CEP290: variants seen among roughly 807,000 people sequenced by gnomAD.
CEP290 encodes the protein centrosomal protein of 290 kDa.
CEP290 carries 317 observed loss-of-function variants against 344.9 expected under a neutral mutation model. The observed-to-expected ratio is 0.92, with a 90% confidence interval of 0.84 to 1.01. The LOEUF is 1.01. Ranked by LOEUF, CEP290 falls within the 50% of genes least tolerant of loss-of-function variation. The probability of loss-of-function intolerance (pLI) is 0.00; values close to 1 mark genes in which losing one functional copy is unlikely to be tolerated. For missense variants in CEP290, 2,754 were observed against 2,761.4 expected (o/e 1.00, Z 0.06); for synonymous variants, 932 against 895.8 (o/e 1.04, Z -0.72).
chr12:88,114,662 T>C (rs888056426), intron 19 of CEP290, 100 bp from the exon 20 acceptor site: 9 of 1,005,726 alleles, frequency 8.9e-6, no homozygotes, highest in East Asian at 2.9e-5. Flanking sequence ...AAAGACATCA[T>C]TGGAAAAATC....
intron 6 of CEP290, among the ~76,000 whole-genome samples, chr12:88,133,072 G>GTTT (rs778943616): frequency 7.8e-5 from 10 of 129,022 alleles, no homozygotes; most frequent in East Asian, 2.2e-4. Context: ...TCTTGTTCCG[G>GTTT]TTTTTTTTTT....
chr12:88,080,935 A>C (rs541407718), intron 37 of CEP290, among the ~76,000 whole-genome samples: 4 of 152,340 alleles, frequency 2.6e-5, no homozygotes, highest in African/African-American at 9.6e-5. Flanking sequence ...TATTTTTGGC[A>C]ACAATCTTAT....
intron 52 of CEP290, among the ~76,000 whole-genome samples, chr12:88,051,961 A>G (rs1285277516): frequency 1.3e-5 from 2 of 152,202 alleles, no homozygotes; most frequent in Non-Finnish European, 2.9e-5. Flanking sequence ...GGAGTTTCAT[A>G]CATTTAGATT....
chr12:88,103,752 T>TA (rs1172594227), intron 25 of CEP290: 1 of 152,120 alleles, frequency 6.6e-6, no homozygotes, highest in Non-Finnish European at 1.5e-5. Flanking sequence ...TAAAAAAACT[T>TA]ACGGTTGTAA....
In CEP290 at chr12:88,103,096, TTAAAG is replaced by T. The variant is rs1205031398; in HGVS notation, c.2818-90_2818-86del. 9.2e-6 allele frequency: 7 copies of T among 759,102 alleles called. No individual in the cohort carries two copies. In the Admixed American group the frequency reaches 2.1e-4, roughly 22 times the overall value. 47.0% of individuals were successfully genotyped at this position (759,102 alleles called of 1,614,324 possible). A position where few individuals can be genotyped will look rare whatever the true frequency, so the allele number is the denominator to read the frequency against. On this transcript the variant is annotated intron_variant, in intron 25 of 53. Coordinates refer to ENST00000552810, the MANE Select transcript of CEP290 (RefSeq NM_025114.4). Reference sequence around the variant, plus strand: ...CCACTTTTGAGAAAGATAATACAACTTAAAGTAAAACGAATTTTAAAATCATTTTT... The same window carrying T: ...CCACTTTTGAGAAAGATAATACAACTTAAAACGAATTTTAAAATCATTTTT...
At position 88,120,259 on chromosome 12, in the gene CEP290, T is replaced by C. The variant is rs760739781; in HGVS notation, c.1377A>G (p.Glu459=). 1 of 1,427,034 alleles carries C rather than the reference T, an allele frequency of 7.0e-7. No homozygotes were observed. The highest frequency in any genetic ancestry group is 1.5e-5 in the South Asian group (1 of 68,310). The allele number at this position is 1,427,034 out of a possible 1,614,324, so 88.4% of individuals were successfully genotyped here. A position where few individuals can be genotyped will look rare whatever the true frequency, so the allele number is the denominator to read the frequency against. ...AATTCTTTATTTCAACGACAGCATC[T>C]TCTAAACCATATACTCCCTGAAAAA... ...KDYESGVYGL[E]DAVVEIKNCK... is the part of the protein sequence containing the mutation. The change falls in exon 15 of 54, where the codon GAA becomes GAG. Residue 459 remains glutamate, a synonymous_variant. Coordinates refer to ENST00000552810, the MANE Select transcript of CEP290 (RefSeq NM_025114.4).
chr12:88,070,655 T>C (rs1361649243), intron 43 of CEP290, among the ~76,000 whole-genome samples: 1 of 152,118 alleles, frequency 6.6e-6, no homozygotes, highest in East Asian at 1.9e-4. Flanking sequence ...TTCCTCTTTC[T>C]ACTCTCCTCT....
chr12:88,084,841 C>G lies in CEP290; in HGVS notation c.4449G>C (p.Glu1483Asp), dbSNP rs760443127. Residue 1483 changes from glutamate to aspartate, a missense_variant, in exon 35 of 54, where the codon GAG becomes GAC. Transcript: ENST00000552810. ...TCKSLEEKLK[E>D]KESALRLAEQ... ...CTGCTAACCTTAAAGCAGATTCTTT[C>G]TCTTTTAGTTTCTGCAATGATTAAA... is the stretch of plus-strand genomic sequence containing the variant. 6.4e-7 allele frequency: 1 copy of G among 1,559,090 alleles called. No individual in the cohort carries two copies. Among genetic ancestry groups the G allele is most frequent in the Non-Finnish European group, 8.6e-7 (1 of 1,156,188 alleles).
In CEP290 at chr12:88,054,300, A is replaced by T. The variant is rs184044181; in HGVS notation, c.7034+40T>A. 3.3e-3 allele frequency: 4,179 copies of T among 1,277,926 alleles called. 10 individuals carry two copies. The highest frequency in any genetic ancestry group is 4.0e-3 in the Non-Finnish European group (3,678 of 912,628). The allele number at this position is 1,277,926 out of a possible 1,614,324, so 79.2% of individuals were successfully genotyped here. ...TATAAAAACTAATAATTTTTTTTTTAAAGAAAAAAACAAAGTAGTCATATG... is the reference window on the plus strand; with the variant it reads ...TATAAAAACTAATAATTTTTTTTTTTAAGAAAAAAACAAAGTAGTCATATG... On this transcript the variant is annotated intron_variant, in intron 51 of 53. Coordinates refer to ENST00000552810, the MANE Select transcript of CEP290 (RefSeq NM_025114.4).
intron 34 of CEP290, 68 bp downstream of exon 34, chr12:88,085,969 AAT>A: frequency 7.1e-7 from 1 of 1,399,746 alleles, no homozygotes; most frequent in African/African-American, 1.5e-5. Context: ...CTCATAAAGA[AAT>A]ATTATTTAGA....
Position 88,126,476 on chromosome 12 carries a change from A to G in CEP290, c.943-38T>C, listed in dbSNP as rs747890446. ...ACAATAGAATCTGTTATGCAAAAGG[A>G]AAGTTAATAAAACATTCTTCATTAT... On this transcript the variant is annotated intron_variant, in intron 11 of 53. Coordinates refer to ENST00000552810, the MANE Select transcript of CEP290 (RefSeq NM_025114.4). The G allele has an allele frequency of 3.0e-6, 4 of 1,341,618 alleles. No homozygotes were observed. The Admixed American group carries it at 8.9e-5, about 30-fold the overall frequency. The allele number at this position is 1,341,618 out of a possible 1,614,324, so 83.1% of individuals were successfully genotyped here. A position where few individuals can be genotyped will look rare whatever the true frequency, so the allele number is the denominator to read the frequency against.
At chr12:88,094,014 A>G (rs753646297) in intron 27 of CEP290, 39 bp from the exon 28 acceptor site, 6 of 1,444,510 alleles carry the variant, frequency 4.2e-6, no homozygotes, top group Non-Finnish European at 2.8e-6. Context: ...CATGCTGTTT[A>G]TATTAAAATT....
chr12:88,109,207 TG>T (rs752945113), intron 22 of CEP290, 26 bp from the exon 23 acceptor site: 1 of 754,976 alleles, frequency 1.3e-6, no homozygotes. Context: ...GAAATAAGAA[TG>T]CAAAAAAAAA....
In CEP290 at chr12:88,053,731, C is replaced by G; in HGVS notation, c.7050G>C (p.Gln2350His). Residue 2350 changes from glutamine (Q) to histidine (H), a missense_variant, in exon 52 of 54, where the codon CAG becomes CAC. Coordinates refer to ENST00000552810, the MANE Select transcript of CEP290 (RefSeq NM_025114.4). Reference protein sequence around the residue: ...ELQVLRLANHQLDKEKAELIH... With the variant: ...ELQVLRLANHHLDKEKAELIH... ...TTAATTCTGCTTTCTCTTTATCCAG[C>G]TGATGATTAGCTAATCTAGAACACA... The G allele has an allele frequency of 6.5e-7, 1 of 1,527,850 alleles. No homozygotes were observed. The highest frequency in any genetic ancestry group is 8.8e-7 in the Non-Finnish European group (1 of 1,129,968). 94.6% of individuals were successfully genotyped at this position (1,527,850 alleles called of 1,614,324 possible). A position where few individuals can be genotyped will look rare whatever the true frequency, so the allele number is the denominator to read the frequency against.
intron 7 of CEP290, 108 bp from the exon 8 acceptor site, chr12:88,130,673 C>A: frequency 3.7e-6 from 3 of 807,306 alleles, no homozygotes; most frequent in South Asian, 2.3e-5. Context: ...GAAAATGATG[C>A]ATATTATCTT....
At chr12:88,120,069 T>C in intron 15 of CEP290, 45 bp downstream of exon 15, 2 of 1,285,656 alleles carry the variant, frequency 1.6e-6, no homozygotes, top group Non-Finnish European at 2.0e-6. Context: ...AAAAAAGACT[T>C]GTAAATCAGG....
chr12:88,141,278 T>G lies in CEP290; in HGVS notation c.30A>C (p.Ile10=). ...GCAGGTCATCTGGGTCAACTTTCAT[T>G]ATTTCTTTCCAGTTTATATTAGGTG... The part of the protein sequence containing the change: MPPNINWKE[I]MKVDPDDLPR... Residue 10 remains isoleucine, a synonymous_variant, in exon 2 of 54, where the codon ATA becomes ATC. Coordinates refer to ENST00000552810, the MANE Select transcript of CEP290 (RefSeq NM_025114.4). 1 of 1,611,274 alleles carries G rather than the reference T, an allele frequency of 6.2e-7. No homozygotes were observed. The highest frequency in any genetic ancestry group is 8.5e-7 in the Non-Finnish European group (1 of 1,179,038).
At chr12:88,117,247 TA>T (rs2039110696) in intron 17 of CEP290, 102 bp from the exon 18 acceptor site, 1 of 611,170 alleles carries the variant, frequency 1.6e-6, no homozygotes, top group Admixed American at 3.7e-5. Flanking sequence ...AATGCAAAGG[TA>T]GAATAATTGT....
Position 88,106,813 on chromosome 12 carries a change from T to C in CEP290, c.2679A>G (p.Glu893=), listed in dbSNP as rs745834567. The change falls in exon 25 of 54, where the codon GAA becomes GAG. Residue 893 remains glutamate (E), a synonymous_variant. Transcript: ENST00000552810. ...TTGTATATTGCCTTATAAGTGATTT[T>C]TCATTCACTTGCAAAACAGTAATTT... The part of the protein sequence containing the change: ...SRKITVLQVN[E]KSLIRQYTTL... 2 of 1,608,150 alleles carry C rather than the reference T, an allele frequency of 1.2e-6. No homozygotes were observed. The highest frequency in any genetic ancestry group is 2.2e-5 in the South Asian group (2 of 90,024).
Sources: allele counts gnomAD v4.1 joint callset (sites outside exome capture counted in the v4.1 genomes callset), GRCh38; gene constraint gnomAD v4.1.1; transcripts MANE v1.5; gene names NCBI Gene and HGNC (gene_info 2026-07-23, HGNC 2026-07-21).